Variants in NDUFV2 observed in about 807,000 individuals in gnomAD.
The protein encoded by NDUFV2 is NADH dehydrogenase [ubiquinone] flavoprotein 2, mitochondrial.
NDUFV2 carries 18 observed loss-of-function variants against 31.6 expected under a neutral mutation model. That is an observed-to-expected ratio of 0.57 (90% confidence interval 0.39 to 0.84). NDUFV2 has a LOEUF of 0.84. NDUFV2 is among the 40% of genes least tolerant of loss of function. The pLI is 0.00. For missense variants in NDUFV2, 314 were observed against 303.6 expected, an observed-to-expected ratio of 1.03 and a Z score of -0.26; for synonymous variants, 83 against 99.8, an observed-to-expected ratio of 0.83 and a Z score of 1.01.
rs376478122 is a variant in NDUFV2, at chr18:9,102,764, C to G, written c.21C>G (p.Leu7=). The change falls in exon 1 of 8, where the codon CTC becomes CTG. Residue 7 remains leucine, a synonymous_variant. Transcript: ENST00000318388. MFFSAA[L]RARAAGLTAH... Reference sequence around the variant, plus strand: ...CCGCCATGTTCTTCTCCGCGGCGCTCCGGGCCCGGGCGGCTGGCCTCACCG... The same window carrying G: ...CCGCCATGTTCTTCTCCGCGGCGCTGCGGGCCCGGGCGGCTGGCCTCACCG... 14 of 1,585,484 alleles carry G rather than the reference C, an allele frequency of 8.8e-6. No individual in the cohort carries two copies. Among genetic ancestry groups the G allele is most frequent in the African/African-American group, 2.7e-5 (2 of 74,094 alleles).
At chr18:9,116,184 AG>A (rs2077897056) in intron 1 of NDUFV2, among the ~76,000 whole-genome samples, 1 of 152,184 alleles carries the variant, frequency 6.6e-6, no homozygotes, top group Non-Finnish European at 1.5e-5. Context: ...ATCACTGTCA[AG>A]TTAATGGATG....
intron 4 of NDUFV2, among the ~76,000 whole-genome samples, chr18:9,121,010 A>G (rs946907628): frequency 2.0e-5 from 3 of 152,190 alleles, no homozygotes; most frequent in Non-Finnish European, 2.9e-5. Context: ...CCAGGTACTC[A>G]GGATGTTGAT....
intron 1 of NDUFV2, chr18:9,104,807 A>G: frequency 1.2e-6 from 1 of 854,796 alleles, no homozygotes; most frequent in South Asian, 3.6e-5. Flanking sequence ...TTTAATTTTT[A>G]TTACACACGT....
Position 9,124,790 on chromosome 18 carries a change from C to G in NDUFV2, c.470-84C>G, listed in dbSNP as rs929849358. ...ATAGTCTTAAACTTTTAATATACCT[C>G]TATAAAAATTCTTTTTTTTTTTTTT... is the stretch of plus-strand genomic sequence containing the variant. On this transcript the variant is annotated intron_variant, in intron 5 of 7. Transcript: ENST00000318388. The G allele has an allele frequency of 1.7e-5, 22 of 1,322,678 alleles. No homozygotes were observed. In the African/African-American group the frequency reaches 3.1e-4, roughly 19 times the overall value. 81.9% of individuals were successfully genotyped at this position (1,322,678 alleles called of 1,614,324 possible). A position where few individuals can be genotyped will look rare whatever the true frequency, so the allele number is the denominator to read the frequency against.
At chr18:9,118,179 G>A (rs1452013046) in intron 2 of NDUFV2, among the ~76,000 whole-genome samples, 2 of 152,090 alleles carry the variant, frequency 1.3e-5, no homozygotes, top group Non-Finnish European at 2.9e-5. Flanking sequence ...ATCACACTTT[G>A]GGTTCTCAGT....
chr18:9,119,765 A>G (rs573316973), intron 4 of NDUFV2, among the ~76,000 whole-genome samples, 175 bp downstream of exon 4: 2 of 151,758 alleles, frequency 1.3e-5, no homozygotes, highest in Non-Finnish European at 2.9e-5. Flanking sequence ...CCCTTAATGC[A>G]TAGAGGTGAT....
At chr18:9,118,827 T>TTG (rs2077913609) in intron 2 of NDUFV2, among the ~76,000 whole-genome samples, 1 of 148,690 alleles carries the variant, frequency 6.7e-6, no homozygotes, top group African/African-American at 2.5e-5. Flanking sequence ...TTTTTTTTTT[T>TTG]TTTTTTTTTT....
rs867803409 is a variant in NDUFV2, at chr18:9,114,463, T to G, written c.55-3375T>G. On this transcript the variant is annotated intron_variant, in intron 1 of 7. Transcript: ENST00000318388. ...TTTGGATCTTTTTTTTTTTTTTTTT[T>G]TTAGTTATTAAATGTTTTATCCTTG... 8.2e-3 allele frequency among the ~76,000 whole-genome samples: 943 copies of G among 115,496 alleles called. 7 individuals are homozygous for G. Among genetic ancestry groups the G allele is most frequent in the Middle Eastern group, 0.024 (5 of 210 alleles). 75.8% of individuals were successfully genotyped at this position (115,496 alleles called of 152,430 possible). A position where few individuals can be genotyped will look rare whatever the true frequency, so the allele number is the denominator to read the frequency against.
intron 1 of NDUFV2, among the ~76,000 whole-genome samples, chr18:9,104,466 C>G (rs754835442): frequency 1.3e-5 from 2 of 152,004 alleles, no homozygotes; most frequent in Non-Finnish European, 2.9e-5. Context: ...TTGCAGAATG[C>G]TAGGTGAAAG....
intron 1 of NDUFV2, among the ~76,000 whole-genome samples, chr18:9,112,898 G>A (rs1408810764): frequency 6.6e-6 from 1 of 152,100 alleles, no homozygotes; most frequent in African/African-American, 2.4e-5. Context: ...AGGGATACAA[G>A]AATATGTATT....
intron 1 of NDUFV2, among the ~76,000 whole-genome samples, chr18:9,113,768 G>A (rs1194636428): frequency 6.6e-6 from 1 of 152,194 alleles, no homozygotes; most frequent in Non-Finnish European, 1.5e-5. Flanking sequence ...CCCCCTGCTT[G>A]CTCAATCGAT....
chr18:9,126,870 G>A lies in NDUFV2; in HGVS notation c.619G>A (p.Glu207Lys). The change falls in exon 7 of 8, where the codon GAG (glutamate) becomes AAG (lysine). Residue 207 changes from glutamate to lysine, a missense_variant. By Grantham distance (56) the Glu-to-Lys change is moderately conservative. Transcript: ENST00000318388. ...TAAGGATATTGAAGAAATTATTGAT[G>A]AGCTCAAGGCTGGCAAAATCCCAAA... ...TAKDIEEIID[E>K]LKAGKIPKPG... is the part of the protein sequence containing the mutation. 2.5e-6 allele frequency: 4 copies of A among 1,613,652 alleles called. No individual in the cohort carries two copies. Among genetic ancestry groups the A allele is most frequent in the Non-Finnish European group, 3.4e-6 (4 of 1,179,856 alleles).
At chr18:9,133,240 T>G (rs1267454603) in intron 7 of NDUFV2, among the ~76,000 whole-genome samples, 1 of 152,198 alleles carries the variant, frequency 6.6e-6, no homozygotes, top group Non-Finnish European at 1.5e-5. Context: ...GTTGAAAAGA[T>G]ATAAACTGAA....
intron 1 of NDUFV2, among the ~76,000 whole-genome samples, chr18:9,110,522 T>A (rs1486838072): frequency 6.6e-6 from 1 of 152,174 alleles, no homozygotes; most frequent in Non-Finnish European, 1.5e-5. Context: ...ACTTACTACT[T>A]TTTTGAGACA....
intron 1 of NDUFV2, among the ~76,000 whole-genome samples, chr18:9,105,488 CCTT>C (rs1278364254): frequency 1.3e-5 from 2 of 151,962 alleles, no homozygotes; most frequent in East Asian, 1.9e-4. Flanking sequence ...AAGTTTATTC[CCTT>C]CTTCAGTAAT....
chr18:9,114,581 C>A (rs1423200993), intron 1 of NDUFV2, among the ~76,000 whole-genome samples: 3 of 151,360 alleles, frequency 2.0e-5, no homozygotes, highest in Non-Finnish European at 4.4e-5. Context: ...AAGAAGATAA[C>A]CCTGTTTTAT....
At chr18:9,131,363 A>G (rs1261719586) in intron 7 of NDUFV2, among the ~76,000 whole-genome samples, 2 of 152,168 alleles carry the variant, frequency 1.3e-5, no homozygotes, top group Non-Finnish European at 2.9e-5. Flanking sequence ...TGACATTACT[A>G]AATATTTTTG....
At chr18:9,123,125 A>G (rs576030487) in intron 5 of NDUFV2, among the ~76,000 whole-genome samples, 1 of 152,382 alleles carries the variant, frequency 6.6e-6, no homozygotes, top group South Asian at 2.1e-4. Context: ...ATGTTATTAC[A>G]GTAGCATTTG....
intron 4 of NDUFV2, among the ~76,000 whole-genome samples, chr18:9,122,054 G>A (rs758222749): frequency 6.6e-5 from 10 of 152,030 alleles, no homozygotes; most frequent in Non-Finnish European, 1.3e-4. Flanking sequence ...TTCTGTTGCT[G>A]TACCATTTGT....
Sources: allele counts gnomAD v4.1 joint callset (sites outside exome capture counted in the v4.1 genomes callset), GRCh38; gene constraint gnomAD v4.1.1; transcripts MANE v1.5; gene names NCBI Gene and HGNC (gene_info 2026-07-23, HGNC 2026-07-21).